The following TRIP11 variants were observed in gnomAD, a reference collection of about 807,000 sequenced individuals.
TRIP11 encodes the protein thyroid receptor-interacting protein 11.
Under a neutral mutation model 223.1 loss-of-function variants are expected in TRIP11, and 148 were observed. The observed-to-expected ratio is 0.66, with a 90% CI of 0.58 to 0.76. TRIP11 has a LOEUF of 0.76. TRIP11 is among the 30% of genes least tolerant of loss of function. The pLI is 0.00. For synonymous variants in TRIP11, 762 were observed against 772.6 expected, an observed-to-expected ratio of 0.99 and a Z score of 0.23; for missense variants, 2,043 against 2,222.0, an observed-to-expected ratio of 0.92 and a Z score of 1.62.
chr14:92,015,831 C>T lies in TRIP11; in HGVS notation c.688G>A (p.Asp230Asn). 6.2e-7 allele frequency: 1 copy of T among 1,612,388 alleles called. No homozygotes were observed. The highest frequency in any genetic ancestry group is 8.5e-7 in the Non-Finnish European group (1 of 1,179,672). The change falls in exon 6 of 21, where the codon GAT becomes AAT. Residue 230 changes from aspartate to asparagine, a missense_variant. Physicochemically the swap from Asp to Asn is conservative, Grantham distance 23. Transcript: ENST00000267622. The part of the protein sequence containing the change: ...ELKQNRSQEI[D>N]DHQHEMSVLQ... ...ACTGACATTTCATGTTGATGGTCAT[C>T]AATTTCCTGACTTCGGTTCTGTTTT...
At chr14:91,999,090 G>C (rs2056787617) in intron 13 of TRIP11, 150 bp downstream of exon 13, 1 of 895,706 alleles carries the variant, frequency 1.1e-6, no homozygotes, top group African/African-American at 1.7e-5. Flanking sequence ...CCTTGGGCAG[G>C]TTATTTAATC....
intron 14 of TRIP11, among the ~76,000 whole-genome samples, chr14:91,994,418 AT>A (rs1364385317): frequency 6.6e-6 from 1 of 151,942 alleles, no homozygotes; most frequent in African/African-American, 2.4e-5. Flanking sequence ...TAATTTGTGT[AT>A]TTTTAGTAGA....
rs775899818 is a variant in TRIP11, at chr14:92,005,117, T to G, written c.2859A>C (p.Thr953=). The G allele has an allele frequency of 1.2e-6, 2 of 1,613,664 alleles. No individual in the cohort carries two copies. The highest frequency in any genetic ancestry group is 2.2e-5 in the South Asian group (2 of 91,076). ...FRYQHEQMNA[T]HTQLFLEKDE... The stretch of plus-strand genomic sequence containing the variant: ...CCTTCTCTAAAAAGAGCTGGGTGTG[T>G]GTGGCGTTCATTTGCTCATGCTGGT... Residue 953 remains threonine (T), a synonymous_variant, in exon 11 of 21, where the codon ACA becomes ACC. Transcript: ENST00000267622.
chr14:92,016,112 G>A (rs1034777476), intron 5 of TRIP11, among the ~76,000 whole-genome samples: 4 of 152,132 alleles, frequency 2.6e-5, no homozygotes, highest in East Asian at 1.9e-4. Context: ...TAAAACAAAC[G>A]ATAAGTAAAA....
At chr14:91,992,290 T>C (rs1595376986) in intron 15 of TRIP11, among the ~76,000 whole-genome samples, 1 of 151,562 alleles carries the variant, frequency 6.6e-6, no homozygotes, top group East Asian at 2.0e-4. Context: ...AAACATAACA[T>C]TTTGGAATAG....
intron 1 of TRIP11, among the ~76,000 whole-genome samples, chr14:92,038,050 G>C (rs111746340): frequency 1.3e-5 from 2 of 152,154 alleles, no homozygotes; most frequent in African/African-American, 4.8e-5. Context: ...AAAGAATAAG[G>C]AGTAATAAAG....
At chr14:91,985,692 C>A (rs1035684009) in intron 16 of TRIP11, among the ~76,000 whole-genome samples, 61 of 152,186 alleles carry the variant, frequency 4.0e-4, no homozygotes, top group African/African-American at 1.4e-3. Context: ...TTTCTTCCAA[C>A]AAAAGGCAAT....
intron 9 of TRIP11, among the ~76,000 whole-genome samples, chr14:92,009,438 C>G (rs1485465540): frequency 1.3e-5 from 2 of 152,098 alleles, no homozygotes; most frequent in Non-Finnish European, 2.9e-5. Flanking sequence ...GCTATCAGGA[C>G]AAGCTACAGA....
At chr14:91,999,694 C>G (rs2056796719) in intron 12 of TRIP11, among the ~76,000 whole-genome samples, 1 of 152,140 alleles carries the variant, frequency 6.6e-6, no homozygotes, top group African/African-American at 2.4e-5. Flanking sequence ...ATAAAGTACT[C>G]TTTGTGACAG....
rs1191994135 is a variant in TRIP11, at chr14:92,015,771, T to C, written c.748A>G (p.Ile250Val). The C allele has an allele frequency of 1.2e-6, 2 of 1,613,614 alleles. No homozygotes were observed. The highest frequency in any genetic ancestry group is 4.5e-5 in the East Asian group (2 of 44,866). ...QNAHQQKLTEISRRHREELSD... is the reference protein window; with the variant it reads ...QNAHQQKLTEVSRRHREELSD... ...AATTCTTCTCGATGTCGTCGACTTA[T>C]TTCTGTCAATTTCTGTTGGTGTGCA... Residue 250 changes from isoleucine to valine, a missense_variant, in exon 6 of 21, where the codon ATA becomes GTA. Coordinates refer to ENST00000267622, the MANE Select transcript of TRIP11 (RefSeq NM_004239.4).
Position 92,029,973 on chromosome 14 carries a change from G to A in TRIP11, c.201+3219C>T, listed in dbSNP as rs866237222. 5.9e-5 allele frequency among the ~76,000 whole-genome samples: 9 copies of A among 152,026 alleles called. No individual in the cohort carries two copies. The South Asian group carries it at 1.0e-3, about 18-fold the overall frequency. On this transcript the variant is annotated intron_variant, in intron 2 of 20. Coordinates refer to ENST00000267622, the MANE Select transcript of TRIP11 (RefSeq NM_004239.4). ...AGCACTTTGGGAGGCCGAGGCGGGC[G>A]GATCACGAGGTCAGGAGATCGAGAC...
chr14:92,038,143 A>G (rs1000918331), intron 1 of TRIP11, among the ~76,000 whole-genome samples: 1 of 152,188 alleles, frequency 6.6e-6, no homozygotes, highest in Non-Finnish European at 1.5e-5. Flanking sequence ...AAACAAGGAC[A>G]CGAAGATTTA....
At chr14:92,032,923 T>C (rs535538036) in intron 2 of TRIP11, among the ~76,000 whole-genome samples, 1 of 152,244 alleles carries the variant, frequency 6.6e-6, no homozygotes, top group East Asian at 1.9e-4. Flanking sequence ...TTATGATAAA[T>C]TATTGATACT....
chr14:92,000,356 T>C (rs1682891097), intron 11 of TRIP11, among the ~76,000 whole-genome samples: 1 of 152,076 alleles, frequency 6.6e-6, no homozygotes, highest in Admixed American at 6.5e-5. Context: ...AGCCATGACA[T>C]CTAAATATAA....
Position 92,039,884 on chromosome 14 carries a change from C to T in TRIP11, c.-199G>A, listed in dbSNP as rs2057366028. 9.3e-7 allele frequency: 1 copy of T among 1,073,856 alleles called. No homozygotes were observed. The highest frequency in any genetic ancestry group is 1.3e-6 in the Non-Finnish European group (1 of 756,666). The allele number at this position is 1,073,856 out of a possible 1,614,324, so 66.5% of individuals were successfully genotyped here. A position where few individuals can be genotyped will look rare whatever the true frequency, so the allele number is the denominator to read the frequency against. On this transcript the variant is annotated 5_prime_UTR_variant, in exon 1 of 21. Transcript: ENST00000267622. ...CCTGGCCTGGAATTTTACCAGGGGC[C>T]CGCCTCTAGTGACACAGTCACCTAC...
intron 16 of TRIP11, 152 bp from the exon 17 acceptor site, chr14:91,976,341 G>C: frequency 1.3e-6 from 1 of 743,624 alleles, no homozygotes. Flanking sequence ...CTCTTCTTTG[G>C]TCCAGGGAAC....
intron 1 of TRIP11, among the ~76,000 whole-genome samples, chr14:92,036,531 C>T (rs1357371104): frequency 6.6e-6 from 1 of 152,206 alleles, no homozygotes; most frequent in Non-Finnish European, 1.5e-5. Flanking sequence ...CAACCCATGT[C>T]TCTCTGATTT....
In TRIP11 at chr14:92,033,062, A is replaced by C. The variant is rs2057286152; in HGVS notation, c.201+130T>G. Reference sequence around the variant, plus strand: ...GAAGGTTGATAAAAGCTCAAAAAACAATCAAAATTAAACAAGAAGAGAAAA... The same window carrying C: ...GAAGGTTGATAAAAGCTCAAAAAACCATCAAAATTAAACAAGAAGAGAAAA... On this transcript the variant is annotated intron_variant, in intron 2 of 20. Transcript: ENST00000267622. The C allele has an allele frequency of 1.0e-5, 7 of 702,548 alleles. No individual in the cohort carries two copies. The East Asian group carries it at 1.6e-4, about 16-fold the overall frequency. The allele number at this position is 702,548 out of a possible 1,614,324, so 43.5% of individuals were successfully genotyped here.
In TRIP11 at chr14:92,013,229, T is replaced by C. The variant is rs1046385742; in HGVS notation, c.1186+986A>G. Among the ~76,000 whole-genome samples the C allele has an allele frequency of 7.9e-5, 12 of 152,126 alleles. No individual in the cohort carries two copies. The East Asian group carries it at 2.1e-3, about 27-fold the overall frequency. On this transcript the variant is annotated intron_variant, in intron 7 of 20. Transcript: ENST00000267622. ...TTGCAGTGAACCGAGATCGTGCCAC[T>C]GCACTCCAGTCTGAGCTACAGAGCG...
Sources: gnomAD v4.1 joint callset for allele counts (sites outside exome capture counted in the v4.1 genomes callset) on GRCh38, gnomAD v4.1.1 for gene constraint, MANE v1.5 for transcripts, NCBI Gene and HGNC (gene_info 2026-07-23, HGNC 2026-07-21) for gene names.